MOB1B: variants seen among roughly 807,000 people sequenced by gnomAD.
MOB1B encodes MOB1 Mps One Binder homolog B.
A neutral mutation model predicts 24.4 loss-of-function variants in MOB1B; 19 were observed. The ratio of observed to expected loss-of-function variants is 0.78; its 90% CI spans 0.54 to 1.14. The LOEUF is 1.14. Among genes scored for constraint, MOB1B ranks in the 50% most tolerant of loss-of-function variants. MOB1B has a pLI of 0.00. For missense variants in MOB1B, 243 were observed against 259.6 expected (o/e 0.94, Z 0.44); for synonymous variants, 76 against 82.1 (o/e 0.93, Z 0.40).
chr4:70,942,730 G>C (rs887832557), intron 1 of MOB1B: 5 of 247,904 alleles, frequency 2.0e-5, no homozygotes, highest in Admixed American at 1.3e-4. Context: ...AAAAGATACA[G>C]ACTAGGGCAG....
rs553222932 is a variant in MOB1B at position 70,960,199 on chromosome 4, A to T, written c.181+1159A>T. Among the ~76,000 whole-genome samples, 144 of 152,134 alleles carry T rather than the reference A, an allele frequency of 9.5e-4. 1 individual carries two copies. The highest frequency in any genetic ancestry group is 2.9e-3 in the African/African-American group (122 of 41,546). On this transcript the variant is annotated intron_variant, in intron 2 of 5. Coordinates refer to ENST00000309395, the MANE Select transcript of MOB1B (RefSeq NM_173468.4). ...GCCCGGCCAGTTGTGCTTATTTTTT[A>T]AAAAAAGATATCAAGTAGTCATCTT...
In MOB1B at chr4:70,913,258, G is replaced by A. The variant is rs541106679; in HGVS notation, c.14+10708G>A. Among the ~76,000 whole-genome samples the A allele has an allele frequency of 4.7e-5, 7 of 150,224 alleles. No individual in the cohort carries two copies. In the South Asian group the frequency reaches 1.5e-3, roughly 32 times the overall value. On this transcript the variant is annotated intron_variant, in intron 1 of 5. Coordinates refer to ENST00000309395, the MANE Select transcript of MOB1B (RefSeq NM_173468.4). ...TTTCTTTTCTTATGTACGTTTGTAT[G>A]GGTATGTATGTATGTATGTATGTAT...
At chr4:70,972,574 C>G (rs113006560) in intron 3 of MOB1B, among the ~76,000 whole-genome samples, 1,638 of 152,124 alleles carry the variant, frequency 0.011, 28 homozygotes, top group African/African-American at 0.038. Context: ...TTGCAGTTTA[C>G]AAGTTCATGC....
In MOB1B at chr4:70,982,019, C is replaced by T; in HGVS notation, c.613C>T (p.Gln205Ter). The T allele has an allele frequency of 6.2e-7, 1 of 1,612,654 alleles. No individual in the cohort carries two copies. Among genetic ancestry groups the T allele is most frequent in the Non-Finnish European group, 8.5e-7 (1 of 1,179,014 alleles). Residue 205 changes from glutamine (Q) to a stop codon, truncating the protein, a stop_gained, in exon 6 of 6, where the codon CAA (glutamine) becomes TAA (stop). Transcript: ENST00000309395. LOFTEE classifies it high-confidence loss of function. ...LIDRRELAPL[Q>*]ELIEKLTSKD... ...TGATAGAAGAGAACTTGCACCACTC[C>T]AAGAACTGATTGAAAAACTCACCTC...
Position 70,902,474 on chromosome 4 carries a change from T to C in MOB1B, c.-63T>C, listed in dbSNP as rs548329969. 2 of 1,539,566 alleles carry C rather than the reference T, an allele frequency of 1.3e-6. No individual in the cohort carries two copies. On this transcript the variant is annotated 5_prime_UTR_variant, in exon 1 of 6. Transcript: ENST00000309395. Reference sequence around the variant, plus strand: ...TGTTCCATTCGCCTTTCCTCTTCTTTCCTGGCCCACGCCGCTCCGAGGCCT... The same window carrying C: ...TGTTCCATTCGCCTTTCCTCTTCTTCCCTGGCCCACGCCGCTCCGAGGCCT...
chr4:70,984,801 G>C lies in MOB1B; in HGVS notation c.*2744G>C, dbSNP rs1201958389. 2.6e-5 allele frequency: 4 copies of C among 152,110 alleles called. No homozygotes were observed. The allele number at this position is 152,110 out of a possible 1,614,324, so 9.4% of individuals were successfully genotyped here. A position where few individuals can be genotyped will look rare whatever the true frequency, so the allele number is the denominator to read the frequency against. On this transcript the variant is annotated 3_prime_UTR_variant, in exon 6 of 6. Coordinates refer to ENST00000309395, the MANE Select transcript of MOB1B (RefSeq NM_173468.4). ...TAGATGGTGCTACTGGCTTTCATTT[G>C]CTGACTTGATTATTCCCTTTCTCTT... is the stretch of plus-strand genomic sequence containing the variant.
chr4:70,957,183 A>G (rs531586526), intron 1 of MOB1B, among the ~76,000 whole-genome samples: 16 of 144,726 alleles, frequency 1.1e-4, no homozygotes, highest in Non-Finnish European at 1.9e-4. Context: ...ATTTAATAAC[A>G]TTAAAGTTTT....
chr4:70,902,591 G>A, intron 1 of MOB1B, 41 bp downstream of exon 1: 2 of 1,530,804 alleles, frequency 1.3e-6, no homozygotes, highest in East Asian at 2.5e-5. Flanking sequence ...TTGTTCGGGT[G>A]GACCTGGGCC....
rs117123440 is a variant in MOB1B at position 70,929,629 on chromosome 4, C to T, written c.14+27079C>T. 8.2e-4 allele frequency among the ~76,000 whole-genome samples: 124 copies of T among 151,498 alleles called. 3 individuals carry two copies. The East Asian group carries it at 0.022, about 26-fold the overall frequency. On this transcript the variant is annotated intron_variant, in intron 1 of 5. Coordinates refer to ENST00000309395, the MANE Select transcript of MOB1B (RefSeq NM_173468.4). Reference sequence around the variant, plus strand: ...CTGAGTAGCTGGGACCACAGGTACACGTCACCACACCAAGCTAATTTTTTT... The same window carrying T: ...CTGAGTAGCTGGGACCACAGGTACATGTCACCACACCAAGCTAATTTTTTT...
At chr4:70,976,970 C>T (rs924531082) in intron 4 of MOB1B, among the ~76,000 whole-genome samples, 5 of 151,902 alleles carry the variant, frequency 3.3e-5, no homozygotes, top group African/African-American at 1.2e-4. Flanking sequence ...TCCTCCTTCC[C>T]TCTCCCTCTC....
At chr4:70,969,176 G>C (rs1440161226) in intron 2 of MOB1B, among the ~76,000 whole-genome samples, 1 of 152,126 alleles carries the variant, frequency 6.6e-6, no homozygotes, top group African/African-American at 2.4e-5. Context: ...CCGTCACGCA[G>C]GCTGAAGTGC....
intron 2 of MOB1B, among the ~76,000 whole-genome samples, chr4:70,965,963 TA>T (rs1017897002): frequency 1.7e-4 from 26 of 151,728 alleles, no homozygotes; most frequent in African/African-American, 6.3e-4. Context: ...TCTTATAACT[TA>T]AAAAAAACTG....
At chr4:70,944,509 G>C (rs1737490785) in intron 1 of MOB1B, among the ~76,000 whole-genome samples, 1 of 152,144 alleles carries the variant, frequency 6.6e-6, no homozygotes, top group Non-Finnish European at 1.5e-5. Flanking sequence ...AATATTTTAA[G>C]ATTGTTGTCA....
At chr4:70,904,688 G>A (rs1469009497) in intron 1 of MOB1B, among the ~76,000 whole-genome samples, 3 of 151,556 alleles carry the variant, frequency 2.0e-5, no homozygotes, top group Non-Finnish European at 4.4e-5. Context: ...GAACCCGGGA[G>A]GTAGAGGTTG....
At chr4:70,952,115 G>A (rs531386792) in intron 1 of MOB1B, among the ~76,000 whole-genome samples, 19 of 152,048 alleles carry the variant, frequency 1.2e-4, no homozygotes, top group African/African-American at 3.9e-4. Context: ...TCATACATGC[G>A]TACACACAAG....
At chr4:70,924,002 G>C (rs1236110194) in intron 1 of MOB1B, among the ~76,000 whole-genome samples, 1 of 147,392 alleles carries the variant, frequency 6.8e-6, no homozygotes, top group African/African-American at 2.5e-5. Context: ...GTATAACTTA[G>C]TGGAAATGTA....
rs1050808619 is a variant in MOB1B at position 70,918,325 on chromosome 4, A to G, written c.14+15775A>G. 7.4e-4 allele frequency among the ~76,000 whole-genome samples: 112 copies of G among 151,062 alleles called. 1 individual carries two copies. Among genetic ancestry groups the G allele is most frequent in the Non-Finnish European group, 5.9e-5 (4 of 67,748 alleles). The stretch of plus-strand genomic sequence containing the variant: ...CCACCAACAGTGTAAAAGTGTTCCT[A>G]TTTCTCCACATCCTCTCCAGCACCT... On this transcript the variant is annotated intron_variant, in intron 1 of 5. Transcript: ENST00000309395.
chr4:70,950,468 T>A (rs568222635), intron 1 of MOB1B, among the ~76,000 whole-genome samples: 1 of 151,318 alleles, frequency 6.6e-6, no homozygotes, highest in South Asian at 2.1e-4. Flanking sequence ...TTTAGAGATT[T>A]AAATCCTGGA....
chr4:70,942,672 C>T (rs938654745), intron 1 of MOB1B, among the ~76,000 whole-genome samples: 2 of 152,058 alleles, frequency 1.3e-5, no homozygotes, highest in African/African-American at 4.8e-5. Context: ...AAATGTGAAG[C>T]TCATAGACAT....
Sources: allele counts gnomAD v4.1 joint callset (sites outside exome capture counted in the v4.1 genomes callset), GRCh38; gene constraint gnomAD v4.1.1; transcripts MANE v1.5; gene names NCBI Gene and HGNC (gene_info 2026-07-23, HGNC 2026-07-21).